The following SSBP2 variants were observed in gnomAD, a reference collection of about 807,000 sequenced individuals.
SSBP2 encodes single stranded DNA binding protein 2, also known as single-stranded DNA-binding protein 2.
SSBP2 carries 17 observed loss-of-function variants against 61.8 expected under a neutral mutation model. The ratio of observed to expected loss-of-function variants is 0.28; its 90% CI spans 0.19 to 0.41. SSBP2 has a LOEUF of 0.41. Among genes scored for constraint, SSBP2 ranks in the 10% least tolerant of loss-of-function variants. The pLI is 1.00. For synonymous variants in SSBP2, 139 were observed against 141.3 expected (o/e 0.98, Z 0.12); for missense variants, 310 against 458.7 (o/e 0.68, Z 2.96).
At chr5:81,599,858 A>G (rs148441174) in intron 4 of SSBP2, among the ~76,000 whole-genome samples, 1 of 152,300 alleles carries the variant, frequency 6.6e-6, no homozygotes, top group Non-Finnish European at 1.5e-5. Context: ...CTCCTGGAAG[A>G]CTTCCTTCAC....
At chr5:81,571,639 A>G (rs1417882837) in intron 4 of SSBP2, among the ~76,000 whole-genome samples, 1 of 152,206 alleles carries the variant, frequency 6.6e-6, no homozygotes, top group Admixed American at 6.5e-5. Context: ...GCTAAAGTAG[A>G]TTATAACATT....
At chr5:81,734,964 C>A (rs1207425058) in intron 1 of SSBP2, among the ~76,000 whole-genome samples, 8 of 100,080 alleles carry the variant, frequency 8.0e-5, no homozygotes, top group Non-Finnish European at 1.2e-4. Context: ...GAGCAAGACT[C>A]CATCTCAAAA....
chr5:81,680,079 C>A (rs1752273382), intron 1 of SSBP2, among the ~76,000 whole-genome samples: 1 of 151,864 alleles, frequency 6.6e-6, no homozygotes, highest in Admixed American at 6.6e-5. Flanking sequence ...TTCCCAACAC[C>A]TGGCCCTGCC....
intron 8 of SSBP2, among the ~76,000 whole-genome samples, chr5:81,467,267 G>C (rs1020291399): frequency 2.6e-5 from 4 of 151,910 alleles, no homozygotes. Context: ...ATGATCACTG[G>C]AGCACGTTAA....
chr5:81,716,215 A>T (rs1416905038), intron 1 of SSBP2, among the ~76,000 whole-genome samples: 3 of 152,176 alleles, frequency 2.0e-5, no homozygotes, highest in Non-Finnish European at 2.9e-5. Flanking sequence ...ACCAAAAAAA[A>T]TCAGCTAAAA....
chr5:81,541,748 T>G (rs77723780), intron 4 of SSBP2, among the ~76,000 whole-genome samples: 6,409 of 152,216 alleles, frequency 0.042, 449 homozygotes, highest in African/African-American at 0.14. Flanking sequence ...GCCCCTACCT[T>G]TCACCATATA....
At chr5:81,500,852 T>C (rs937321931) in intron 5 of SSBP2, among the ~76,000 whole-genome samples, 2 of 152,104 alleles carry the variant, frequency 1.3e-5, no homozygotes, top group South Asian at 4.1e-4. Flanking sequence ...ATGCTAAAAG[T>C]ATAAATATAA....
intron 1 of SSBP2, among the ~76,000 whole-genome samples, chr5:81,748,501 T>A (rs1561756692): frequency 6.6e-6 from 1 of 151,804 alleles, no homozygotes; most frequent in African/African-American, 2.4e-5. Context: ...CCCACCAAGA[T>A]GAAATTAAGT....
Position 81,650,324 on chromosome 5 carries a change from T to C in SSBP2, c.78A>G (p.Val26=). ...CTCCTACATGGAGCAGATATTCATA[T>C]ACGTAGAGTGCTAACCTGGAAAACA... is the stretch of plus-strand genomic sequence containing the variant. The change falls in exon 2 of 17, where the codon GTA becomes GTG. Residue 26 remains valine (V), a synonymous_variant. Coordinates refer to ENST00000320672, the MANE Select transcript of SSBP2 (RefSeq NM_012446.5). 1 of 1,586,228 alleles carries C rather than the reference T, an allele frequency of 6.3e-7. No homozygotes were observed. The highest frequency in any genetic ancestry group is 8.6e-7 in the Non-Finnish European group (1 of 1,166,878).
intron 1 of SSBP2, among the ~76,000 whole-genome samples, chr5:81,690,441 G>C (rs1046997195): frequency 2.6e-5 from 4 of 151,994 alleles, no homozygotes; most frequent in Admixed American, 2.6e-4. Context: ...TAAAAGAACA[G>C]AAGTAACTAT....
chr5:81,535,415 G>A (rs750330531), intron 4 of SSBP2, among the ~76,000 whole-genome samples: 2 of 151,952 alleles, frequency 1.3e-5, no homozygotes, highest in African/African-American at 2.4e-5. Flanking sequence ...AACTTATTTC[G>A]TCGCTATTGA....
rs189842683 is a variant in SSBP2 at position 81,690,922 on chromosome 5, G to A, written c.63-40583C>T. On this transcript the variant is annotated intron_variant, in intron 1 of 16. Coordinates refer to ENST00000320672, the MANE Select transcript of SSBP2 (RefSeq NM_012446.5). The stretch of plus-strand genomic sequence containing the variant: ...AACTCGGTAACAAGAGGAGTTCTGG[G>A]AACTATATAAACACAGGTAAATTGA... 8.9e-3 allele frequency among the ~76,000 whole-genome samples: 1,355 copies of A among 152,102 alleles called. 18 individuals carry two copies. The highest frequency in any genetic ancestry group is 0.011 in the Non-Finnish European group (751 of 67,914).
chr5:81,577,247 G>A (rs993715711), intron 4 of SSBP2, among the ~76,000 whole-genome samples: 7 of 151,954 alleles, frequency 4.6e-5, no homozygotes, highest in African/African-American at 1.7e-4. Context: ...ACTGCTGGCA[G>A]TATTTTTGTT....
Position 81,502,540 on chromosome 5 carries a change from A to G in SSBP2, c.372+11088T>C, listed in dbSNP as rs143783472. Among the ~76,000 whole-genome samples the G allele has an allele frequency of 2.0e-4, 30 of 152,302 alleles. No individual in the cohort carries two copies. The East Asian group carries it at 5.6e-3, about 28-fold the overall frequency. ...ACTCTCAGAGTTCTCTCTCTAGCTCAAGCCTCAAACATAAAAGTCCAGCCT... is the reference window on the plus strand; with the variant it reads ...ACTCTCAGAGTTCTCTCTCTAGCTCGAGCCTCAAACATAAAAGTCCAGCCT... On this transcript the variant is annotated intron_variant, in intron 5 of 16. Transcript: ENST00000320672.
At chr5:81,586,594 T>C (rs1775069409) in intron 4 of SSBP2, among the ~76,000 whole-genome samples, 1 of 148,994 alleles carries the variant, frequency 6.7e-6, no homozygotes, top group Non-Finnish European at 1.5e-5. Context: ...GGATGTTTTC[T>C]GTAAGGATCT....
At chr5:81,657,977 C>A (rs777668248) in intron 1 of SSBP2, among the ~76,000 whole-genome samples, 2 of 151,944 alleles carry the variant, frequency 1.3e-5, no homozygotes, top group Non-Finnish European at 2.9e-5. Flanking sequence ...TGTCTTGATA[C>A]ATGTATATAT....
rs553157628 is a variant in SSBP2 at position 81,494,326 on chromosome 5, G to A, written c.373-5017C>T. Reference sequence around the variant, plus strand: ...TAGCATAGTTAGTACTCTGACATACGGAAACTACATTTATAGGTATAAATT... The same window carrying A: ...TAGCATAGTTAGTACTCTGACATACAGAAACTACATTTATAGGTATAAATT... On this transcript the variant is annotated intron_variant, in intron 5 of 16. Coordinates refer to ENST00000320672, the MANE Select transcript of SSBP2 (RefSeq NM_012446.5). 5.3e-4 allele frequency among the ~76,000 whole-genome samples: 81 copies of A among 152,246 alleles called. 1 individual carries two copies. Among genetic ancestry groups the A allele is most frequent in the East Asian group, 4.4e-3 (23 of 5,186 alleles).
chr5:81,751,481 G>A, upstream of SSBP2, among the ~76,000 whole-genome samples: 1 of 152,134 alleles, frequency 6.6e-6, no homozygotes, highest in East Asian at 1.9e-4. Flanking sequence ...TGGAGAGAAG[G>A]CGCCGGGAGG....
chr5:81,604,826 A>G (rs962484004), intron 4 of SSBP2, among the ~76,000 whole-genome samples: 2 of 152,174 alleles, frequency 1.3e-5, no homozygotes, highest in Admixed American at 6.5e-5. Flanking sequence ...AATACAAAAC[A>G]AAATCTTAAT....
Sources: allele counts gnomAD v4.1 joint callset (sites outside exome capture counted in the v4.1 genomes callset), GRCh38; gene constraint gnomAD v4.1.1; transcripts MANE v1.5; gene names NCBI Gene and HGNC (gene_info 2026-07-23, HGNC 2026-07-21).